Variants in FAM91A1 observed in about 807,000 individuals in gnomAD.
The protein encoded by FAM91A1 is protein FAM91A1.
FAM91A1 carries 41 observed loss-of-function variants against 113.5 expected under a neutral mutation model. That is an observed-to-expected ratio of 0.36 (90% CI 0.28 to 0.47). FAM91A1 has a LOEUF of 0.47. Ranked by LOEUF, FAM91A1 falls within the 20% of genes least tolerant of loss-of-function variation. The pLI, the probability that FAM91A1 is intolerant of heterozygous loss-of-function variation, is 1.00. For synonymous variants in FAM91A1, 307 were observed against 347.9 expected, an observed-to-expected ratio of 0.88 and a Z score of 1.31; for missense variants, 696 against 1,001.2, an observed-to-expected ratio of 0.70 and a Z score of 4.11.
rs1815866141 is a variant in FAM91A1, at chr8:123,808,385, C to T, written c.2137+9C>T. 6.2e-7 allele frequency: 1 copy of T among 1,604,022 alleles called. No individual in the cohort carries two copies. Among genetic ancestry groups the T allele is most frequent in the Admixed American group, 1.7e-5 (1 of 58,200 alleles). Reference sequence around the variant, plus strand: ...AACAAAGCAAACCTCTGGTATGGTGCTAAAACTTTTTCCAATTTTATTAGA... The same window carrying T: ...AACAAAGCAAACCTCTGGTATGGTGTTAAAACTTTTTCCAATTTTATTAGA... On this transcript the variant is annotated intron_variant, in intron 21 of 23. Transcript: ENST00000334705.
In FAM91A1 at chr8:123,780,013, T is replaced by C. The variant is rs763785901; in HGVS notation, c.578T>C (p.Val193Ala). ...KICTLPEKCA[V>A]DKIIDSGPQL... Reference sequence around the variant, plus strand: ...TGCACTTTGCCTGAGAAATGCGCTGTTGATAAGATCATCGATTCAGGCCCT... The same window carrying C: ...TGCACTTTGCCTGAGAAATGCGCTGCTGATAAGATCATCGATTCAGGCCCT... Residue 193 changes from valine to alanine, a missense_variant, in exon 7 of 24, where the codon GTT (valine) becomes GCT (alanine). Val to Ala is a moderately conservative substitution (Grantham distance 64). Coordinates refer to ENST00000334705, the MANE Select transcript of FAM91A1 (RefSeq NM_144963.4). 6.2e-7 allele frequency: 1 copy of C among 1,613,628 alleles called. No individual in the cohort carries two copies. The highest frequency in any genetic ancestry group is 1.1e-5 in the South Asian group (1 of 91,046).
At chr8:123,779,181 C>G (rs1815060259) in intron 6 of FAM91A1, among the ~76,000 whole-genome samples, 1 of 152,066 alleles carries the variant, frequency 6.6e-6, no homozygotes, top group Admixed American at 6.6e-5. Context: ...TTATTTGTAC[C>G]CCCATTTCAC....
chr8:123,785,611 C>T lies in FAM91A1; in HGVS notation c.850-18C>T, dbSNP rs1815232642. 2 of 1,515,054 alleles carry T rather than the reference C, an allele frequency of 1.3e-6. No homozygotes were observed. Among genetic ancestry groups the T allele is most frequent in the Non-Finnish European group, 1.8e-6 (2 of 1,101,420 alleles). 93.9% of individuals were successfully genotyped at this position (1,515,054 alleles called of 1,614,324 possible). A position where few individuals can be genotyped will look rare whatever the true frequency, so the allele number is the denominator to read the frequency against. On this transcript the variant is annotated intron_variant, in intron 10 of 23. Coordinates refer to ENST00000334705, the MANE Select transcript of FAM91A1 (RefSeq NM_144963.4). ...GTTTATTTTAAATGGTAATTAGTTT[C>T]CTTTATATTCCTTTCAGAATGCTGT... is the stretch of plus-strand genomic sequence containing the variant.
intron 18 of FAM91A1, among the ~76,000 whole-genome samples, chr8:123,804,677 C>G (rs1815763470): frequency 6.6e-6 from 1 of 152,036 alleles, no homozygotes; most frequent in Non-Finnish European, 1.5e-5. Context: ...AGATGTGCCC[C>G]TTACCTTTTC....
intron 6 of FAM91A1, 75 bp downstream of exon 6, chr8:123,778,847 A>G (rs1815051382): frequency 3.0e-6 from 3 of 998,972 alleles, no homozygotes; most frequent in East Asian, 3.0e-5. Context: ...ATAGCTTATA[A>G]TTTTTTAAAA....
At chr8:123,775,402 A>G in intron 3 of FAM91A1, 104 bp downstream of exon 3, 1 of 1,347,996 alleles carries the variant, frequency 7.4e-7, no homozygotes, top group Non-Finnish European at 1.0e-6. Flanking sequence ...TGCGGTGGAC[A>G]CTCTTTCAGA....
chr8:123,780,570 T>G (rs575921499), intron 8 of FAM91A1, 28 bp downstream of exon 8: 2 of 1,582,178 alleles, frequency 1.3e-6, no homozygotes, highest in South Asian at 1.1e-5. Flanking sequence ...TTTTTCACTG[T>G]TTTTTGAATG....
At chr8:123,798,664 C>T (rs1815603466) in intron 16 of FAM91A1, among the ~76,000 whole-genome samples, 1 of 152,154 alleles carries the variant, frequency 6.6e-6, no homozygotes, top group Admixed American at 6.5e-5. Flanking sequence ...AAAATTCCTT[C>T]TGGACTTTTA....
intron 15 of FAM91A1, among the ~76,000 whole-genome samples, chr8:123,795,834 T>C (rs564358692): frequency 1.8e-4 from 28 of 152,298 alleles, no homozygotes; most frequent in Admixed American, 5.2e-4. Context: ...ACTACTGTTT[T>C]GTGCAAATGT....
intron 23 of FAM91A1, 62 bp downstream of exon 23, chr8:123,810,413 C>T: frequency 7.0e-7 from 1 of 1,423,524 alleles, no homozygotes; most frequent in Non-Finnish European, 9.9e-7. Context: ...CACAACACTT[C>T]TGTGTTTGTT....
rs1467593990 is a variant in FAM91A1, at chr8:123,814,402, A to G, written c.*1698A>G. The stretch of plus-strand genomic sequence containing the variant: ...TTTTAATTTCCTTTGTTTGAACTGT[A>G]GTTATTTTATTTATTCCTATATTAA... On this transcript the variant is annotated 3_prime_UTR_variant, in exon 24 of 24. Transcript: ENST00000334705. 8.5e-5 allele frequency: 17 copies of G among 199,832 alleles called. No individual in the cohort carries two copies. The East Asian group carries it at 3.0e-3, about 36-fold the overall frequency. The allele number at this position is 199,832 out of a possible 1,614,324, so 12.4% of individuals were successfully genotyped here.
At position 123,798,177 on chromosome 8, in the gene FAM91A1, T is replaced by G; in HGVS notation, c.1499T>G (p.Leu500Arg). The G allele has an allele frequency of 1.2e-6, 2 of 1,614,152 alleles. No individual in the cohort carries two copies. The highest frequency in any genetic ancestry group is 8.5e-7 in the Non-Finnish European group (1 of 1,180,010). Residue 500 changes from leucine (L) to arginine (R), a missense_variant, in exon 16 of 24, where the codon CTG becomes CGG. Coordinates refer to ENST00000334705, the MANE Select transcript of FAM91A1 (RefSeq NM_144963.4). ...CSRVLNKNYTLLVSMAPLTNE... is the reference protein window; with the variant it reads ...CSRVLNKNYTRLVSMAPLTNE... ...AGAGTTCTAAACAAAAATTACACGC[T>G]GCTTGTTTCCATGGCTCCCCTCACC...
At chr8:123,806,906 T>C (rs529063160) in intron 20 of FAM91A1, among the ~76,000 whole-genome samples, 12 of 152,140 alleles carry the variant, frequency 7.9e-5, no homozygotes, top group Non-Finnish European at 1.6e-4. Flanking sequence ...ACTTACTTTT[T>C]TTTTTTTTAA....
chr8:123,780,214 G>C, intron 7 of FAM91A1, 139 bp downstream of exon 7: 2 of 794,110 alleles, frequency 2.5e-6, no homozygotes, highest in South Asian at 4.1e-5. Context: ...TGTGACCTTA[G>C]TCTTTTGTTT....
At chr8:123,785,836 G>C in intron 11 of FAM91A1, 95 bp downstream of exon 11, 2 of 729,992 alleles carry the variant, frequency 2.7e-6, no homozygotes, top group Non-Finnish European at 4.2e-6. Context: ...TTTATTTATT[G>C]AGACAAAGTC....
intron 6 of FAM91A1, among the ~76,000 whole-genome samples, chr8:123,779,683 G>A (rs907717728): frequency 1.1e-4 from 16 of 152,210 alleles, no homozygotes; most frequent in Non-Finnish European, 1.5e-5. Context: ...TCTGGCTAGA[G>A]AGATTCTGAA....
At chr8:123,792,067 C>T (rs763186468) in intron 15 of FAM91A1, among the ~76,000 whole-genome samples, 3 of 151,838 alleles carry the variant, frequency 2.0e-5, no homozygotes, top group Non-Finnish European at 4.4e-5. Context: ...CTTAGCTGCT[C>T]GGGAGGCTGA....
At chr8:123,774,256 GAGATTATTCCATGTAC>G in intron 2 of FAM91A1, 92 bp downstream of exon 2, 1 of 1,008,660 alleles carries the variant, frequency 9.9e-7, no homozygotes, top group South Asian at 1.6e-5. Flanking sequence ...TCATAGTACT[GAGATTATTCCATGTAC>G]AGACTTTAAG....
Position 123,786,542 on chromosome 8 carries a change from A to C in FAM91A1, c.1010A>C (p.Glu337Ala). Residue 337 changes from glutamate (E) to alanine (A), a missense_variant, in exon 12 of 24, where the codon GAA (glutamate) becomes GCA (alanine). Physicochemically the swap from Glu to Ala is moderately radical, Grantham distance 107. Coordinates refer to ENST00000334705, the MANE Select transcript of FAM91A1 (RefSeq NM_144963.4). Reference protein sequence around the residue: ...QKMLLSWDGGESRSPVQEASS... With the variant: ...QKMLLSWDGGASRSPVQEASS... ...ATGCTCTTGTCATGGGATGGAGGGGAAAGTAGGAGTCCTGTACAAGAAGCT... is the reference window on the plus strand; with the variant it reads ...ATGCTCTTGTCATGGGATGGAGGGGCAAGTAGGAGTCCTGTACAAGAAGCT... 1 of 1,614,014 alleles carries C rather than the reference A, an allele frequency of 6.2e-7. No individual in the cohort carries two copies. The highest frequency in any genetic ancestry group is 8.5e-7 in the Non-Finnish European group (1 of 1,179,970).
Sources: gnomAD v4.1 joint callset for allele counts (sites outside exome capture counted in the v4.1 genomes callset) on GRCh38, gnomAD v4.1.1 for gene constraint, MANE v1.5 for transcripts, NCBI Gene and HGNC (gene_info 2026-07-23, HGNC 2026-07-21) for gene names.